The following FAM13A variants were observed in gnomAD, a reference collection of about 807,000 sequenced individuals.
FAM13A encodes the protein family with sequence similarity 13 member A.
In FAM13A, 76 loss-of-function variants were observed where a neutral mutation model predicts 129.6. The ratio of observed to expected loss-of-function variants is 0.59; its 90% CI spans 0.49 to 0.71. The LOEUF is 0.71. Ranked by LOEUF, FAM13A falls within the 30% of genes least tolerant of loss-of-function variation. FAM13A has a pLI of 0.00. For missense variants in FAM13A, 1,108 were observed against 1,249.3 expected (o/e 0.89, Z 1.70); for synonymous variants, 443 against 449.9 (o/e 0.98, Z 0.20).
At position 88,886,004 on chromosome 4, in the gene FAM13A, T is replaced by TAA. The variant is rs56673552; in HGVS notation, c.843+20373_843+20374dup. ...TGCAAGAATGGCCATAAGCAAAAAA[T>TAA]AAAAAAAAAAAATAGACGTTGGCAT... On this transcript the variant is annotated intron_variant, in intron 6 of 23. Transcript: ENST00000264344. Among the ~76,000 whole-genome samples the TAA allele has an allele frequency of 1.9e-3, 274 of 147,192 alleles. 2 individuals are homozygous for TAA. The highest frequency in any genetic ancestry group is 5.9e-3 in the Admixed American group (87 of 14,856).
chr4:88,730,908 C>G (rs527645052), intron 23 of FAM13A, among the ~76,000 whole-genome samples: 44 of 152,296 alleles, frequency 2.9e-4, no homozygotes, highest in African/African-American at 1.0e-3. Flanking sequence ...TCAAGCAATC[C>G]TCCTGCCTTA....
intron 7 of FAM13A, among the ~76,000 whole-genome samples, chr4:88,818,672 A>T (rs549094181): frequency 2.6e-5 from 4 of 152,318 alleles, no homozygotes; most frequent in Non-Finnish European, 5.9e-5. Flanking sequence ...ATAAATTCAG[A>T]CACACAACCC....
intron 4 of FAM13A, among the ~76,000 whole-genome samples, chr4:88,965,871 T>C (rs977334022): frequency 2.0e-5 from 3 of 152,198 alleles, no homozygotes; most frequent in Non-Finnish European, 4.4e-5. Context: ...GGTTCGTCCA[T>C]GTTGTAGTAT....
chr4:88,973,430 C>G (rs1452939897), intron 4 of FAM13A, among the ~76,000 whole-genome samples: 1 of 152,148 alleles, frequency 6.6e-6, no homozygotes, highest in African/African-American at 2.4e-5. Context: ...CCATGACCAG[C>G]CTACTAATGA....
At chr4:88,930,585 T>C (rs1752879405) in intron 5 of FAM13A, among the ~76,000 whole-genome samples, 1 of 152,094 alleles carries the variant, frequency 6.6e-6, no homozygotes, top group African/African-American at 2.4e-5. Flanking sequence ...AGCAATGGAT[T>C]AAGTGTCCCT....
intron 5 of FAM13A, chr4:88,937,855 G>A: frequency 1.8e-6 from 1 of 555,324 alleles, no homozygotes; most frequent in East Asian, 2.9e-5. Context: ...GTGTTTTTGA[G>A]ATGACTTTAT....
chr4:88,887,187 A>G (rs1361614200), intron 6 of FAM13A, among the ~76,000 whole-genome samples: 2 of 152,112 alleles, frequency 1.3e-5, no homozygotes, highest in Non-Finnish European at 2.9e-5. Context: ...GGTACAGTGT[A>G]CACTGTTCAT....
chr4:88,972,174 C>G (rs1365688038), intron 4 of FAM13A, among the ~76,000 whole-genome samples: 1 of 151,836 alleles, frequency 6.6e-6, no homozygotes, highest in Non-Finnish European at 1.5e-5. Context: ...TATGTAGATC[C>G]AAGTTTCTGA....
intron 4 of FAM13A, among the ~76,000 whole-genome samples, chr4:88,938,723 G>A (rs1036670113): frequency 6.6e-6 from 1 of 152,002 alleles, no homozygotes; most frequent in Non-Finnish European, 1.5e-5. Context: ...GCGCATGGAA[G>A]GTCTATTACA....
chr4:89,000,676 G>C (rs1332520182), intron 3 of FAM13A, among the ~76,000 whole-genome samples: 1 of 152,102 alleles, frequency 6.6e-6, no homozygotes, highest in East Asian at 1.9e-4. Flanking sequence ...AATTTATGGT[G>C]GGTAATTTAT....
intron 4 of FAM13A, among the ~76,000 whole-genome samples, chr4:88,943,314 GT>G (rs1755093814): frequency 6.6e-6 from 1 of 152,172 alleles, no homozygotes; most frequent in Non-Finnish European, 1.5e-5. Context: ...TAAATTATAT[GT>G]GGAAACACTG....
intron 7 of FAM13A, among the ~76,000 whole-genome samples, chr4:88,828,301 T>A: frequency 6.6e-6 from 1 of 152,022 alleles, no homozygotes; most frequent in East Asian, 1.9e-4. Context: ...CTAAAATGCC[T>A]GGATAATTTA....
At chr4:88,923,072 A>C (rs977569646) in intron 5 of FAM13A, among the ~76,000 whole-genome samples, 3 of 152,170 alleles carry the variant, frequency 2.0e-5, no homozygotes, top group African/African-American at 7.2e-5. Flanking sequence ...CTTACCAACC[A>C]AAAAGGGTCC....
chr4:88,911,962 T>G (rs748395806), intron 5 of FAM13A, among the ~76,000 whole-genome samples: 1 of 152,230 alleles, frequency 6.6e-6, no homozygotes, highest in Non-Finnish European at 1.5e-5. Context: ...GTCTCACTAT[T>G]TCACAGAATC....
chr4:88,912,568 T>TACACACAC (rs71594867), intron 5 of FAM13A, among the ~76,000 whole-genome samples: 6 of 146,202 alleles, frequency 4.1e-5, no homozygotes, highest in South Asian at 2.3e-4. Flanking sequence ...CACACATACA[T>TACACACAC]ACACACACAC....
chr4:88,814,365 T>C (rs1158762765), intron 7 of FAM13A, among the ~76,000 whole-genome samples: 1 of 151,878 alleles, frequency 6.6e-6, no homozygotes, highest in East Asian at 1.9e-4. Flanking sequence ...AGAAAGATAA[T>C]GCACAGGAGG....
chr4:88,823,885 A>C (rs376339704), intron 7 of FAM13A, among the ~76,000 whole-genome samples: 1 of 152,236 alleles, frequency 6.6e-6, no homozygotes, highest in East Asian at 1.9e-4. Context: ...AATCCACTCT[A>C]ATGAAAATTG....
chr4:88,971,142 CG>C (rs1560591117), intron 4 of FAM13A, among the ~76,000 whole-genome samples: 1 of 152,012 alleles, frequency 6.6e-6, no homozygotes, highest in East Asian at 1.9e-4. Flanking sequence ...GGCATGAACC[CG>C]GGAGGCGGAG....
intron 1 of FAM13A, among the ~76,000 whole-genome samples, chr4:89,032,389 G>A (rs560461646): frequency 6.6e-6 from 1 of 152,298 alleles, no homozygotes; most frequent in South Asian, 2.1e-4. Context: ...GTGTGTGTTT[G>A]TGTGTGTATA....
Sources: allele counts gnomAD v4.1 joint callset (sites outside exome capture counted in the v4.1 genomes callset), GRCh38; gene constraint gnomAD v4.1.1; transcripts MANE v1.5; gene names NCBI Gene and HGNC (gene_info 2026-07-23, HGNC 2026-07-21).